PCNX4: variants seen among roughly 807,000 people sequenced by gnomAD.
The protein encoded by PCNX4 is pecanex 4, also known as pecanex-like protein 4.
A neutral mutation model predicts 107.2 loss-of-function variants in PCNX4; 103 were observed. The ratio of observed to expected loss-of-function variants is 0.96; its 90% confidence interval spans 0.82 to 1.13. The LOEUF (loss-of-function observed/expected upper bound fraction) is 1.13, where lower values mean the gene tolerates loss of function less well. Among genes scored for constraint, PCNX4 ranks in the 50% most tolerant of loss-of-function variants. The probability of loss-of-function intolerance (pLI) is 0.00; values close to 1 mark genes in which losing one functional copy is unlikely to be tolerated. For synonymous variants in PCNX4, 541 were observed against 481.7 expected (o/e 1.12, Z -1.61); for missense variants, 1,528 against 1,379.4 (o/e 1.11, Z -1.71).
In PCNX4 at chr14:60,107,699, C is replaced by CG; in HGVS notation, c.61_62insG (p.Pro21ArgfsTer23). The CG allele has an allele frequency of 5.6e-6, 9 of 1,612,856 alleles. No individual in the cohort carries two copies. Among genetic ancestry groups the CG allele is most frequent in the Non-Finnish European group, 7.6e-6 (9 of 1,179,880 alleles). ...GCAGGACTTCTTTCTGAAGCGCTTTCCACAGACTGTTCTTGGAGGCCCTCG... is the reference window on the plus strand; with the variant it reads ...GCAGGACTTCTTTCTGAAGCGCTTTCGCACAGACTGTTCTTGGAGGCCCTCG... On this transcript the variant is annotated frameshift_variant, in exon 2 of 11. Transcript: ENST00000406854. LOFTEE classifies it high-confidence loss of function.
chr14:60,103,256 T>C (rs908965354), intron 1 of PCNX4, among the ~76,000 whole-genome samples: 23 of 152,202 alleles, frequency 1.5e-4, no homozygotes, highest in African/African-American at 4.8e-4. Context: ...AAACATTAGT[T>C]ACATGATCTG....
Position 60,125,684 on chromosome 14 carries a change from A to G in PCNX4, c.3128A>G (p.Glu1043Gly). The G allele has an allele frequency of 6.3e-7, 1 of 1,589,612 alleles. No homozygotes were observed. The highest frequency in any genetic ancestry group is 2.3e-5 in the East Asian group (1 of 44,076). ...MIDKASLGPIEDFRELIKYLE... is the reference protein window; with the variant it reads ...MIDKASLGPIGDFRELIKYLE... ...GATAAAGCAAGTTTAGGTCCAATAGAAGACTTTAGAGAACTGATTAAGTAC... is the reference window on the plus strand; with the variant it reads ...GATAAAGCAAGTTTAGGTCCAATAGGAGACTTTAGAGAACTGATTAAGTAC... Residue 1043 changes from glutamate to glycine, a missense_variant, in exon 10 of 11, where the codon GAA becomes GGA. Transcript: ENST00000406854.
At chr14:60,105,289 A>G (rs972810051) in intron 1 of PCNX4, among the ~76,000 whole-genome samples, 5 of 152,296 alleles carry the variant, frequency 3.3e-5, no homozygotes, top group South Asian at 4.1e-4. Flanking sequence ...AAAGTTACCA[A>G]TTAGGGAAGG....
At position 60,093,704 on chromosome 14, in the gene PCNX4, C is replaced by T. The variant is rs1426730246; in HGVS notation, c.-54+1285C>T. 3.3e-5 allele frequency among the ~76,000 whole-genome samples: 5 copies of T among 152,024 alleles called. No individual in the cohort carries two copies. In the South Asian group the frequency reaches 1.0e-3, roughly 32 times the overall value. ...TGTTTTTATCTCTGTTGGGTGTATACCTGAGAGTAGAATTACTGGGTTATA... is the reference window on the plus strand; with the variant it reads ...TGTTTTTATCTCTGTTGGGTGTATATCTGAGAGTAGAATTACTGGGTTATA... On this transcript the variant is annotated intron_variant, in intron 1 of 10. Coordinates refer to ENST00000406854, the MANE Select transcript of PCNX4 (RefSeq NM_001330177.2).
At chr14:60,116,952 A>C (rs1053408337) in intron 6 of PCNX4, among the ~76,000 whole-genome samples, 1 of 152,184 alleles carries the variant, frequency 6.6e-6, no homozygotes, top group Non-Finnish European at 1.5e-5. Context: ...TTTAAATAGA[A>C]AAAAACTTAT....
chr14:60,129,568 A>G (rs1297975943), intron 10 of PCNX4, among the ~76,000 whole-genome samples: 1 of 152,200 alleles, frequency 6.6e-6, no homozygotes, highest in Non-Finnish European at 1.5e-5. Context: ...AATAATTAAT[A>G]TAACAAACAC....
In PCNX4 at chr14:60,121,281, C is replaced by A; in HGVS notation, c.2028C>A (p.Tyr676Ter). Residue 676 changes from tyrosine (Y) to a stop codon, truncating the protein, a stop_gained, in exon 8 of 11, where the codon TAC becomes TAA. Coordinates refer to ENST00000406854, the MANE Select transcript of PCNX4 (RefSeq NM_001330177.2). LOFTEE classifies it high-confidence loss of function. ...TGATTCTGGAATGTGGCTATACTTA[C>A]TGCTCTATTAACATTAAGGTCAGTG... ...WIMILECGYTYCSINIKGLEL... is the reference protein window; with the variant it reads ...WIMILECGYT 6.5e-7 allele frequency: 1 copy of A among 1,537,322 alleles called. No individual in the cohort carries two copies. The highest frequency in any genetic ancestry group is 1.1e-5 in the South Asian group (1 of 89,636).
chr14:60,115,984 T>C lies in PCNX4; in HGVS notation c.1502T>C (p.Val501Ala). The change falls in exon 6 of 11, where the codon GTA (valine) becomes GCA (alanine). Residue 501 changes from valine to alanine, a missense_variant. By Grantham distance (64) the Val-to-Ala change is moderately conservative. Coordinates refer to ENST00000406854, the MANE Select transcript of PCNX4 (RefSeq NM_001330177.2). ...TENALLETVI[V>A]STVHLISSTD... Reference sequence around the variant, plus strand: ...AATGCTTTATTGGAGACAGTCATTGTATCAACAGTACACTTGATCTCCAGT... The same window carrying C: ...AATGCTTTATTGGAGACAGTCATTGCATCAACAGTACACTTGATCTCCAGT... 1 of 1,612,528 alleles carries C rather than the reference T, an allele frequency of 6.2e-7. No homozygotes were observed. The highest frequency in any genetic ancestry group is 1.3e-5 in the African/African-American group (1 of 75,038).
At chr14:60,128,006 A>G (rs559253905) in intron 10 of PCNX4, among the ~76,000 whole-genome samples, 27 of 152,300 alleles carry the variant, frequency 1.8e-4, no homozygotes, top group African/African-American at 6.3e-4. Flanking sequence ...AGAAGAAAGA[A>G]TTAGTGAACT....
intron 2 of PCNX4, chr14:60,111,232 G>A (rs1895734515): frequency 6.6e-6 from 1 of 152,096 alleles, no homozygotes; most frequent in African/African-American, 2.4e-5. Flanking sequence ...AGTCAGTTTG[G>A]GCACTGAAAC....
chr14:60,107,820 T>C lies in PCNX4; in HGVS notation c.182T>C (p.Leu61Ser). The C allele has an allele frequency of 6.2e-7, 1 of 1,612,844 alleles. No individual in the cohort carries two copies. Among genetic ancestry groups the C allele is most frequent in the Non-Finnish European group, 8.5e-7 (1 of 1,179,838 alleles). Residue 61 changes from leucine (L) to serine (S), a missense_variant, in exon 2 of 11, where the codon TTA (leucine) becomes TCA (serine). By Grantham distance (145) the Leu-to-Ser change is moderately radical. Coordinates refer to ENST00000406854, the MANE Select transcript of PCNX4 (RefSeq NM_001330177.2). ...PWVWGGVGTLLYQLGILKDYY... is the reference protein window; with the variant it reads ...PWVWGGVGTLSYQLGILKDYY... ...GTTTGGGGTGGAGTCGGAACACTTT[T>C]ATACCAGTTAGGCATCCTGAAAGAC...
At position 60,118,630 on chromosome 14, in the gene PCNX4, A is replaced by G; in HGVS notation, c.1880A>G (p.Tyr627Cys). 7.4e-6 allele frequency: 12 copies of G among 1,613,556 alleles called. No individual in the cohort carries two copies. The highest frequency in any genetic ancestry group is 1.0e-5 in the Non-Finnish European group (12 of 1,179,664). ...TGTGTGTGTGCAGATACAGTGTACT[A>G]CTACCAAATGGTGCCCAGGTTGACT... Reference protein sequence around the residue: ...TACVCADTVYYYQMVPRLTAV... With the variant: ...TACVCADTVYCYQMVPRLTAV... Residue 627 changes from tyrosine to cysteine, a missense_variant, in exon 7 of 11, where the codon TAC becomes TGC. Coordinates refer to ENST00000406854, the MANE Select transcript of PCNX4 (RefSeq NM_001330177.2).
At chr14:60,107,273 C>T (rs1386854974) in intron 1 of PCNX4, among the ~76,000 whole-genome samples, 1 of 152,078 alleles carries the variant, frequency 6.6e-6, no homozygotes, top group Admixed American at 6.6e-5. Context: ...CCCAGCTACT[C>T]AGGAGGCTAA....
chr14:60,144,889 T>C lies in PCNX4; in HGVS notation c.*10668T>C. The C allele has an allele frequency of 8.2e-7, 1 of 1,216,124 alleles. No homozygotes were observed. The highest frequency in any genetic ancestry group is 1.2e-6 in the Non-Finnish European group (1 of 824,632). 75.3% of individuals were successfully genotyped at this position (1,216,124 alleles called of 1,614,324 possible). On this transcript the variant is annotated 3_prime_UTR_variant, in exon 11 of 11. Transcript: ENST00000406854. ...AAATCACAAATTAGTCTTTGATTAT[T>C]CAGAAGCATAAGAAGATTGCTGTTT... is the stretch of plus-strand genomic sequence containing the variant.
Position 60,092,404 on chromosome 14 carries a change from C to T in PCNX4, c.-69C>T, listed in dbSNP as rs1450372715. On this transcript the variant is annotated 5_prime_UTR_variant, in exon 1 of 11. Coordinates refer to ENST00000406854, the MANE Select transcript of PCNX4 (RefSeq NM_001330177.2). ...TGGGATGCCTTCGCGTCTTCTCTTC[C>T]CTCGGGTGACTTGAGGTACGTTCGT... 6.6e-6 allele frequency: 1 copy of T among 152,444 alleles called. No individual in the cohort carries two copies. Among genetic ancestry groups the T allele is most frequent in the Middle Eastern group, 3.4e-3 (1 of 294 alleles). The allele number at this position is 152,444 out of a possible 1,614,324, so 9.4% of individuals were successfully genotyped here.
At position 60,139,697 on chromosome 14, in the gene PCNX4, C is replaced by T. The variant is rs982775749; in HGVS notation, c.*5476C>T. The T allele has an allele frequency of 6.6e-6, 1 of 151,892 alleles. No individual in the cohort carries two copies. Among genetic ancestry groups the T allele is most frequent in the African/African-American group, 2.4e-5 (1 of 41,356 alleles). The allele number at this position is 151,892 out of a possible 1,614,324, so 9.4% of individuals were successfully genotyped here. On this transcript the variant is annotated 3_prime_UTR_variant, in exon 11 of 11. Coordinates refer to ENST00000406854, the MANE Select transcript of PCNX4 (RefSeq NM_001330177.2). ...ATATTTATCAAAACTGACCATATTC[C>T]AAGTCATAGGAATGGAATATATTCT... is the stretch of plus-strand genomic sequence containing the variant.
intron 6 of PCNX4, among the ~76,000 whole-genome samples, 162 bp from the exon 7 acceptor site, chr14:60,118,167 A>G (rs1421097290): frequency 6.6e-6 from 1 of 151,004 alleles, no homozygotes; most frequent in Non-Finnish European, 1.5e-5. Context: ...TTTATTAATT[A>G]TGAGGTTGGA....
Position 60,124,257 on chromosome 14 carries a change from G to A in PCNX4, c.2086G>A (p.Ala696Thr), listed in dbSNP as rs372108124. The part of the protein sequence containing the change: ...LQETSCHTAE[A>T]RRVDEVFEDA... ...GGAAACATCCTGTCATACTGCAGAAGCTCGCAGAGTTGATGAAGTTTTTGA... is the reference window on the plus strand; with the variant it reads ...GGAAACATCCTGTCATACTGCAGAAACTCGCAGAGTTGATGAAGTTTTTGA... The change falls in exon 9 of 11, where the codon GCT (alanine) becomes ACT (threonine). Residue 696 changes from alanine (A) to threonine (T), a missense_variant. By Grantham distance (58) the Ala-to-Thr change is moderately conservative (BLOSUM62 0). Coordinates refer to ENST00000406854, the MANE Select transcript of PCNX4 (RefSeq NM_001330177.2). The A allele has an allele frequency of 5.1e-5, 81 of 1,601,544 alleles. 1 individual carries two copies. The East Asian group carries it at 7.8e-4, about 16-fold the overall frequency.
intron 6 of PCNX4, among the ~76,000 whole-genome samples, chr14:60,117,966 G>A (rs950985775): frequency 1.3e-5 from 2 of 151,986 alleles, no homozygotes; most frequent in African/African-American, 4.8e-5. Flanking sequence ...CTTTTTGTAG[G>A]TTATTCAGAT....
Sources: gnomAD v4.1 joint callset for allele counts (sites outside exome capture counted in the v4.1 genomes callset) on GRCh38, gnomAD v4.1.1 for gene constraint, MANE v1.5 for transcripts, NCBI Gene and HGNC (gene_info 2026-07-23, HGNC 2026-07-21) for gene names.